The following WDR17 variants were observed in gnomAD, a reference collection of about 807,000 sequenced individuals.
WDR17 encodes the protein WD repeat domain 17.
Under a neutral mutation model 161.7 loss-of-function variants are expected in WDR17, and 143 were observed. That is an observed-to-expected ratio of 0.88 (90% CI 0.77 to 1.02). The LOEUF is 1.02. Among genes scored for constraint, WDR17 ranks in the 50% least tolerant of loss-of-function variants. The pLI is 0.00. For synonymous variants in WDR17, 517 were observed against 515.6 expected (o/e 1.00, Z -0.04); for missense variants, 1,469 against 1,520.9 (o/e 0.97, Z 0.57).
At chr4:176,154,091 A>G (rs1469804912) in intron 17 of WDR17, among the ~76,000 whole-genome samples, 1 of 152,214 alleles carries the variant, frequency 6.6e-6, no homozygotes. Flanking sequence ...AGCCTATTTC[A>G]ATCAGGTATC....
chr4:176,138,350 C>T (rs918161148), intron 9 of WDR17, among the ~76,000 whole-genome samples: 1 of 151,624 alleles, frequency 6.6e-6, no homozygotes, highest in Non-Finnish European at 1.5e-5. Flanking sequence ...AGAGTATTAT[C>T]CCTTTGAAGA....
intron 1 of WDR17, among the ~76,000 whole-genome samples, chr4:176,098,511 G>A (rs1288988288): frequency 6.6e-6 from 1 of 151,820 alleles, no homozygotes; most frequent in African/African-American, 2.4e-5. Context: ...GACCTTCAGT[G>A]GACTGTTTTC....
intron 21 of WDR17, 79 bp downstream of exon 21, chr4:176,162,253 G>C: frequency 7.8e-7 from 1 of 1,285,224 alleles, no homozygotes. Flanking sequence ...AAGATATGGT[G>C]ACTTTCTATG....
intron 28 of WDR17, among the ~76,000 whole-genome samples, chr4:176,178,478 C>T (rs770911955): frequency 6.6e-6 from 1 of 152,128 alleles, no homozygotes; most frequent in South Asian, 2.1e-4. Context: ...TTTCTTTTCT[C>T]CATCTGACCT....
chr4:176,111,288 G>A lies in WDR17; in HGVS notation c.-6-287G>A, dbSNP rs2333398. The A allele has an allele frequency of 0.22, 43,914 of 202,782 alleles. 5,094 individuals carry two copies. Among genetic ancestry groups the A allele is most frequent in the Middle Eastern group, 0.28 (170 of 614 alleles). 12.6% of individuals were successfully genotyped at this position (202,782 alleles called of 1,614,324 possible). Reference sequence around the variant, plus strand: ...TAGCATGTGCAATTTCTATTTCACTGGAGTTCCTGTCACTGGGTATGTGTT... The same window carrying A: ...TAGCATGTGCAATTTCTATTTCACTAGAGTTCCTGTCACTGGGTATGTGTT... On this transcript the variant is annotated intron_variant, in intron 1 of 28. Transcript: ENST00000508596.
intron 17 of WDR17, among the ~76,000 whole-genome samples, chr4:176,153,562 T>A (rs1357454560): frequency 1.3e-5 from 2 of 152,206 alleles, no homozygotes; most frequent in African/African-American, 2.4e-5. Context: ...TTTAGTTCAG[T>A]GAAAATTCTT....
At chr4:176,145,838 G>A (rs1272837054) in intron 11 of WDR17, among the ~76,000 whole-genome samples, 157 bp from the exon 12 acceptor site, 3 of 152,306 alleles carry the variant, frequency 2.0e-5, no homozygotes, top group Non-Finnish European at 2.9e-5. Flanking sequence ...GAGCAGTAGC[G>A]TGATTATACA....
chr4:176,126,121 T>A (rs1742408124), intron 5 of WDR17, among the ~76,000 whole-genome samples: 1 of 152,170 alleles, frequency 6.6e-6, no homozygotes. Flanking sequence ...CTCCTAACAA[T>A]GTTGCATTGG....
At chr4:176,090,874 C>T (rs145777312) in intron 1 of WDR17, among the ~76,000 whole-genome samples, 183 of 152,130 alleles carry the variant, frequency 1.2e-3, no homozygotes, top group African/African-American at 4.2e-3. Context: ...AAGGGATGGG[C>T]TGAAATAAAG....
At chr4:176,137,659 T>C in intron 9 of WDR17, 48 bp downstream of exon 9, 1 of 1,123,668 alleles carries the variant, frequency 8.9e-7, no homozygotes, top group Non-Finnish European at 1.2e-6. Flanking sequence ...TTATACTATT[T>C]TGTATTTATT....
At chr4:176,124,292 A>AT (rs36014302) in intron 4 of WDR17, among the ~76,000 whole-genome samples, 51 of 151,860 alleles carry the variant, frequency 3.4e-4, no homozygotes, top group African/African-American at 1.1e-3. Context: ...TCTCAGCAGA[A>AT]TTTTTTTTTC....
intron 1 of WDR17, among the ~76,000 whole-genome samples, chr4:176,108,929 A>G (rs1268974656): frequency 6.6e-6 from 1 of 152,102 alleles, no homozygotes; most frequent in African/African-American, 2.4e-5. Flanking sequence ...AGCTGGGGCT[A>G]CAGGCACGCG....
chr4:176,076,246 TATATATATACAC>T (rs1310773362), intron 1 of WDR17, among the ~76,000 whole-genome samples: 18 of 79,816 alleles, frequency 2.3e-4, no homozygotes, highest in African/African-American at 6.6e-4. Flanking sequence ...TATATATATA[TATATATATACAC>T]ACACACACAC....
intron 1 of WDR17, among the ~76,000 whole-genome samples, chr4:176,087,907 G>A (rs55729842): frequency 0.33 from 49,835 of 151,570 alleles, 8,841 homozygotes; most frequent in East Asian, 0.43. Flanking sequence ...GCAGTGGCGC[G>A]ATCTCGGCTC....
At chr4:176,134,983 A>G (rs537892975) in intron 7 of WDR17, 125 bp from the exon 8 acceptor site, 2 of 882,264 alleles carry the variant, frequency 2.3e-6, no homozygotes, top group South Asian at 1.7e-5. Flanking sequence ...TTTCTTGCCT[A>G]TATATTTTTG....
chr4:176,117,663 C>T (rs1235084092), intron 3 of WDR17, among the ~76,000 whole-genome samples: 2 of 151,992 alleles, frequency 1.3e-5, no homozygotes, highest in Non-Finnish European at 1.5e-5. Context: ...ACTGGATATA[C>T]AACTAAATAA....
At chr4:176,089,382 T>C (rs1329466719) in intron 1 of WDR17, among the ~76,000 whole-genome samples, 1 of 152,194 alleles carries the variant, frequency 6.6e-6, no homozygotes, top group African/African-American at 2.4e-5. Flanking sequence ...ATTATCATAG[T>C]TCATTCTAAT....
chr4:176,160,168 G>C (rs759333055), intron 19 of WDR17, 42 bp downstream of exon 19: 1 of 1,607,396 alleles, frequency 6.2e-7, no homozygotes, highest in South Asian at 1.1e-5. Flanking sequence ...ATGAATGCTT[G>C]AGCATGTAGA....
Position 176,174,736 on chromosome 4 carries a change from C to A in WDR17, c.3449+18C>A. 1 of 1,556,620 alleles carries A rather than the reference C, an allele frequency of 6.4e-7. No homozygotes were observed. Among genetic ancestry groups the A allele is most frequent in the Non-Finnish European group, 8.8e-7 (1 of 1,136,672 alleles). On this transcript the variant is annotated intron_variant, in intron 26 of 28. Transcript: ENST00000508596. ...TACACAAGGTAAAAAAGGTTTTTTC[C>A]TCCATCATGACATTAGAGCAATTTC...
Sources: gnomAD v4.1 joint callset for allele counts (sites outside exome capture counted in the v4.1 genomes callset) on GRCh38, gnomAD v4.1.1 for gene constraint, MANE v1.5 for transcripts, NCBI Gene and HGNC (gene_info 2026-07-23, HGNC 2026-07-21) for gene names.